VMA22: variants seen among roughly 807,000 people sequenced by gnomAD.
VMA22 encodes the protein vacuolar ATPase assembly protein VMA22.
the VMA22 span, chr2:130,340,993 G>T: frequency 6.2e-7 from 1 of 1,613,288 alleles, no homozygotes; most frequent in Admixed American, 1.7e-5. Context: ...GGGCCTCAGA[G>T]GACTCCGGTT....
At chr2:130,340,281 T>C in the VMA22 span, 1 of 166,232 alleles carries the variant, frequency 6.0e-6, no homozygotes, top group Non-Finnish European at 1.3e-5. Context: ...TGACACCTAC[T>C]TCCTCCCTCT....
At chr2:130,340,852 T>C in the VMA22 span, 33 of 1,607,516 alleles carry the variant, frequency 2.1e-5, no homozygotes, top group Non-Finnish European at 2.6e-5. Context: ...TGCTCAAGTG[T>C]TCCCTGTGGA....
chr2:130,340,121 C>T, the VMA22 span: 4 of 170,046 alleles, frequency 2.4e-5, no homozygotes. Context: ...GGGTGGAGAC[C>T]GCAGGCTCTC....
the VMA22 span, chr2:130,341,444 G>C: frequency 1.0e-5 from 6 of 574,694 alleles, no homozygotes; most frequent in Non-Finnish European, 1.9e-5. Context: ...TCAGCTGACT[G>C]AAATGTATGT....
chr2:130,339,371 CCTGCATTGG>C, the VMA22 span: 4 of 1,345,180 alleles, frequency 3.0e-6, no homozygotes, highest in South Asian at 1.5e-5. Context: ...CAGGTACGGC[CCTGCATTGG>C]CTGCTCCAGA....
the VMA22 span, chr2:130,342,643 A>C: frequency 4.1e-6 from 2 of 484,384 alleles, no homozygotes; most frequent in Non-Finnish European, 7.4e-6. Flanking sequence ...TGGGGGGAGG[A>C]CGAGGATGGA....
the VMA22 span, chr2:130,342,370 C>G: frequency 1.5e-6 from 1 of 677,646 alleles, no homozygotes; most frequent in Non-Finnish European, 2.5e-6. Context: ...GCTGAACTGT[C>G]GGCTAGGGTT....
chr2:130,339,181 C>T, the VMA22 span: 2 of 1,614,150 alleles, frequency 1.2e-6, no homozygotes, highest in African/African-American at 2.7e-5. Flanking sequence ...CTGGCTTCGA[C>T]CCCAGTCAAT....
the VMA22 span, chr2:130,339,013 C>G: frequency 1.3e-6 from 1 of 769,298 alleles, no homozygotes; most frequent in Non-Finnish European, 2.2e-6. Context: ...GGGGCATTAG[C>G]TGGCGTGGGG....
chr2:130,342,295 A>C, the VMA22 span: 5 of 1,336,434 alleles, frequency 3.7e-6, no homozygotes, highest in Non-Finnish European at 5.1e-6. Flanking sequence ...AAGCGCCCTT[A>C]GAGAAGCAGC....
At chr2:130,341,804 C>CGGGG in the VMA22 span, 1 of 559,658 alleles carries the variant, frequency 1.8e-6, no homozygotes, top group Non-Finnish European at 3.1e-6. Context: ...AGAACGCGCC[C>CGGGG]GCCCGCCCAC....
At chr2:130,342,409 T>C in the VMA22 span, 2 of 568,634 alleles carry the variant, frequency 3.5e-6, no homozygotes, top group Non-Finnish European at 6.2e-6. Flanking sequence ...TTCCGGAAGC[T>C]GCCGAATCTT....
At chr2:130,341,133 T>G in the VMA22 span, 1 of 1,396,278 alleles carries the variant, frequency 7.2e-7, no homozygotes, top group African/African-American at 1.4e-5. Flanking sequence ...CTCATGATTC[T>G]ATAAAACACT....
At chr2:130,341,801 G>GGCCCCCCCCCCCCCCC in the VMA22 span, 1 of 1,378,134 alleles carries the variant, frequency 7.3e-7, no homozygotes, top group Non-Finnish European at 9.9e-7. Flanking sequence ...CCTAGAACGC[G>GGCCCCCCCCCCCCCCC]CCCGCCCGCC....
chr2:130,340,984 G>A, the VMA22 span: 1 of 1,613,512 alleles, frequency 6.2e-7, no homozygotes, highest in South Asian at 1.1e-5. Context: ...GGTCCTGAGG[G>A]GCCTCAGAGG....
chr2:130,339,034 A>G, the VMA22 span: 2 of 973,184 alleles, frequency 2.1e-6, no homozygotes, highest in Non-Finnish European at 3.2e-6. Flanking sequence ...TAGGGGCAAG[A>G]GCTAATTGTG....
the VMA22 span, chr2:130,341,029 C>T: frequency 6.9e-6 from 11 of 1,605,384 alleles, no homozygotes; most frequent in East Asian, 2.0e-4. Flanking sequence ...GGCCCTTGCG[C>T]CTCCGCAGAC....
chr2:130,342,110 G>C, the VMA22 span: 4 of 1,613,584 alleles, frequency 2.5e-6, no homozygotes, highest in Non-Finnish European at 3.4e-6. Flanking sequence ...TCCGCTCGCA[G>C]GTCAAGCGCC....
the VMA22 span, chr2:130,339,369 G>C: frequency 7.5e-7 from 1 of 1,339,238 alleles, no homozygotes; most frequent in Non-Finnish European, 1.0e-6. Flanking sequence ...TCCAGGTACG[G>C]CCCTGCATTG....
Sources: gnomAD v4.1 joint callset for allele counts on GRCh38, gnomAD v4.1.1 for gene constraint, MANE v1.5 for transcripts, NCBI Gene and HGNC (gene_info 2026-07-23, HGNC 2026-07-21) for gene names.